The following NCF2 variants were observed in gnomAD, a reference collection of about 807,000 sequenced individuals.
NCF2 encodes the protein neutrophil cytosolic factor 2, also known as neutrophil cytosol factor 2.
Under a neutral mutation model 70.9 loss-of-function variants are expected in NCF2, and 45 were observed. That is an observed-to-expected ratio of 0.63 (90% CI 0.50 to 0.81). The LOEUF (loss-of-function observed/expected upper bound fraction) is 0.81. NCF2 is among the 40% of genes least tolerant of loss of function. The probability of loss-of-function intolerance (pLI) is 0.00; values close to 1 mark genes in which losing one functional copy is unlikely to be tolerated. For synonymous variants in NCF2, 203 were observed against 233.6 expected (o/e 0.87, Z 1.19); for missense variants, 522 against 631.6 (o/e 0.83, Z 1.86).
chr1:183,582,950 C>T (rs1047586828), intron 2 of NCF2, among the ~76,000 whole-genome samples: 1 of 146,982 alleles, frequency 6.8e-6, no homozygotes, highest in African/African-American at 2.6e-5. Flanking sequence ...AAGAGCAACA[C>T]AAAAACATAC....
At chr1:183,564,287 C>CCTCACCAACCCACAAGGTTAGCAGGGAT (rs577354715) in intron 10 of NCF2, among the ~76,000 whole-genome samples, 100 of 152,256 alleles carry the variant, frequency 6.6e-4, no homozygotes, top group Middle Eastern at 3.4e-3. Flanking sequence ...ACCAGCATAT[C>CCTCACCAACCCACAAGGTTAGCAGGGAT]CTCACCAACC....
the NCF2 span, among the ~76,000 whole-genome samples, chr1:183,598,760 A>C: frequency 6.6e-6 from 1 of 152,228 alleles, no homozygotes; most frequent in Non-Finnish European, 1.5e-5. Flanking sequence ...TTGAAGACCC[A>C]GATAGAGGAT....
At chr1:183,575,882 C>T (rs561381689) in intron 3 of NCF2, among the ~76,000 whole-genome samples, 235 of 152,276 alleles carry the variant, frequency 1.5e-3, no homozygotes, top group African/African-American at 3.8e-3. Flanking sequence ...CCAGGATCAA[C>T]CCCGGAAGTG....
intron 14 of NCF2, among the ~76,000 whole-genome samples, chr1:183,559,064 A>T (rs1168341693): frequency 6.6e-6 from 1 of 152,228 alleles, no homozygotes; most frequent in African/African-American, 2.4e-5. Context: ...TTAAGAGTGT[A>T]GGCAGTAGAC....
At chr1:183,586,335 G>A (rs1200958157) in intron 2 of NCF2, among the ~76,000 whole-genome samples, 9 of 152,036 alleles carry the variant, frequency 5.9e-5, no homozygotes, top group East Asian at 1.9e-4. Flanking sequence ...ACTCTGTCTC[G>A]GAAAAAGAAA....
chr1:183,574,629 A>T lies in NCF2; in HGVS notation c.367-8T>A, dbSNP rs1327382024. ...AGCAATGTTATATAACACCTAGAAAAGTACAGACCGCAACATAAAACTTGA... is the reference window on the plus strand; with the variant it reads ...AGCAATGTTATATAACACCTAGAAATGTACAGACCGCAACATAAAACTTGA... On this transcript the variant is annotated splice_polypyrimidine_tract_variant and splice_region_variant and intron_variant, in intron 3 of 14. Coordinates refer to ENST00000367535, the MANE Select transcript of NCF2 (RefSeq NM_000433.4). The T allele has an allele frequency of 6.2e-7, 1 of 1,614,156 alleles. No individual in the cohort carries two copies. Among genetic ancestry groups the T allele is most frequent in the South Asian group, 1.1e-5 (1 of 91,082 alleles).
intron 1 of NCF2, among the ~76,000 whole-genome samples, chr1:183,587,295 C>T (rs151163633): frequency 1.7e-3 from 254 of 152,210 alleles, no homozygotes; most frequent in African/African-American, 5.4e-3. Flanking sequence ...AGAAAAGCTA[C>T]ACAAGAATCC....
At chr1:183,579,522 C>G (rs568560099) in intron 2 of NCF2, among the ~76,000 whole-genome samples, 1 of 151,874 alleles carries the variant, frequency 6.6e-6, no homozygotes, top group East Asian at 1.9e-4. Context: ...GTCAGGAGAT[C>G]GAGACCATCC....
intron 13 of NCF2, among the ~76,000 whole-genome samples, chr1:183,561,866 C>T (rs1007334267): frequency 7.5e-6 from 1 of 134,152 alleles, no homozygotes; most frequent in African/African-American, 3.0e-5. Flanking sequence ...GGTATGATAT[C>T]AGCTCACTGT....
At chr1:183,569,049 C>T in intron 7 of NCF2, 93 bp downstream of exon 7, 1 of 1,246,604 alleles carries the variant, frequency 8.0e-7, no homozygotes, top group Admixed American at 1.7e-5. Flanking sequence ...GATTTAGACC[C>T]TGACCCCACC....
At chr1:183,571,267 G>A (rs539343633) in intron 5 of NCF2, among the ~76,000 whole-genome samples, 4 of 151,726 alleles carry the variant, frequency 2.6e-5, no homozygotes, top group African/African-American at 9.7e-5. Context: ...ACAGGCACCC[G>A]CCACTGTGCC....
At chr1:183,582,479 C>G (rs1572172669) in intron 2 of NCF2, among the ~76,000 whole-genome samples, 1 of 152,216 alleles carries the variant, frequency 6.6e-6, no homozygotes, top group Non-Finnish European at 1.5e-5. Context: ...GTTTATAATC[C>G]CCATTTCTGT....
Position 183,565,769 on chromosome 1 carries a change from G to A in NCF2, c.935C>T (p.Ser312Phe). ...HPQQQPQEESSPQSDIPAPPS... is the reference protein window; with the variant it reads ...HPQQQPQEESFPQSDIPAPPS... ...AGGAGCTGGGATGTCGGACTGCGGA[G>A]AGCTTTCCTCCTGAAGGCAACAGGG... Residue 312 changes from serine (S) to phenylalanine (F), a missense_variant, in exon 10 of 15, where the codon TCT (serine) becomes TTT (phenylalanine). Ser to Phe is a radical substitution (Grantham distance 155, BLOSUM62 -2). Transcript: ENST00000367535. 6.2e-7 allele frequency: 1 copy of A among 1,613,618 alleles called. No individual in the cohort carries two copies. Among genetic ancestry groups the A allele is most frequent in the Non-Finnish European group, 8.5e-7 (1 of 1,180,024 alleles).
chr1:183,599,423 C>CTTCTTTCTTTCTTTCTTTCCT, the NCF2 span, among the ~76,000 whole-genome samples: 291 of 107,508 alleles, frequency 2.7e-3, 3 homozygotes, highest in African/African-American at 0.01. Flanking sequence ...TCTTTCTTTC[C>CTTCTTTCTTTCTTTCTTTCCT]TTCTTTCTTT....
intron 3 of NCF2, among the ~76,000 whole-genome samples, chr1:183,576,551 C>T (rs781779880): frequency 5.3e-5 from 8 of 152,184 alleles, no homozygotes; most frequent in East Asian, 1.9e-4. Flanking sequence ...CCCTCTCTCG[C>T]CTCTGCTACA....
At chr1:183,595,413 A>G (rs150654481), upstream of NCF2, among the ~76,000 whole-genome samples, 342 of 152,370 alleles carry the variant, frequency 2.2e-3, 2 homozygotes, top group African/African-American at 7.5e-3. Context: ...CCGTTGCTGC[A>G]TGACAAATTA....
intron 6 of NCF2, among the ~76,000 whole-genome samples, chr1:183,569,470 T>C (rs1672452090): frequency 6.6e-6 from 1 of 152,214 alleles, no homozygotes; most frequent in Admixed American, 6.5e-5. Context: ...AGCAACATGG[T>C]GTCACAAGAA....
In NCF2 at chr1:183,563,318, TAATGAGTAAG is replaced by T. The variant is rs1428147116; in HGVS notation, c.1179-22_1179-13del. The T allele has an allele frequency of 1.2e-6, 2 of 1,613,986 alleles. No homozygotes were observed. Among genetic ancestry groups the T allele is most frequent in the Admixed American group, 3.3e-5 (2 of 60,012 alleles). On this transcript the variant is annotated splice_polypyrimidine_tract_variant and intron_variant, in intron 12 of 14. Transcript: ENST00000367535. ...CCCGAGGCCGATAGCTGGGTGGGGATAATGAGTAAGAATCCAGTCAAAGAACATCATCACA... is the reference window on the plus strand; with the variant it reads ...CCCGAGGCCGATAGCTGGGTGGGGATAATCCAGTCAAAGAACATCATCACA...
At chr1:183,558,607 C>G (rs1671899868) in intron 14 of NCF2, among the ~76,000 whole-genome samples, 1 of 151,794 alleles carries the variant, frequency 6.6e-6, no homozygotes. Context: ...GCTCTGTCAC[C>G]CAGGCTGGAG....
Sources: allele counts gnomAD v4.1 joint callset (sites outside exome capture counted in the v4.1 genomes callset), GRCh38; gene constraint gnomAD v4.1.1; transcripts MANE v1.5; gene names NCBI Gene and HGNC (gene_info 2026-07-23, HGNC 2026-07-21).